Variants in ARMH4 observed in about 807,000 individuals in gnomAD.
ARMH4 encodes armadillo-like helical domain-containing protein 4.
Under a neutral mutation model 61.9 loss-of-function variants are expected in ARMH4, and 49 were observed. The ratio of observed to expected loss-of-function variants is 0.79; its 90% CI spans 0.63 to 1.00. The LOEUF (loss-of-function observed/expected upper bound fraction) is 1.00. Among genes scored for constraint, ARMH4 ranks in the 50% least tolerant of loss-of-function variants. The pLI, the probability that ARMH4 is intolerant of heterozygous loss-of-function variation, is 0.00. For synonymous variants in ARMH4, 368 were observed against 341.5 expected, an observed-to-expected ratio of 1.08 and a Z score of -0.85; for missense variants, 934 against 930.0, an observed-to-expected ratio of 1.00 and a Z score of -0.06.
At chr14:58,081,533 C>A (rs1347100476) in intron 5 of ARMH4, among the ~76,000 whole-genome samples, 6 of 150,684 alleles carry the variant, frequency 4.0e-5, no homozygotes. Flanking sequence ...CGGAATCTCG[C>A]TCTGTCACCT....
At chr14:58,145,178 G>C (rs1263685220) in intron 1 of ARMH4, among the ~76,000 whole-genome samples, 2 of 145,962 alleles carry the variant, frequency 1.4e-5, no homozygotes, top group East Asian at 2.0e-4. Context: ...TGGTAATAGA[G>C]TTTAGAGGGA....
In ARMH4 at chr14:58,028,167, C is replaced by T. The variant is rs1883087408; in HGVS notation, c.2090-16017G>A. Among the ~76,000 whole-genome samples the T allele has an allele frequency of 2.0e-5, 3 of 152,166 alleles. No individual in the cohort carries two copies. The South Asian group carries it at 6.2e-4, about 32-fold the overall frequency. ...CCAGGTTCTTAAGATGCTACCCCTC[C>T]TGTTTGTTACATTTATTTACTTTCC... On this transcript the variant is annotated intron_variant, in intron 5 of 7. Transcript: ENST00000267485.
chr14:58,118,822 A>C (rs1186042843), intron 4 of ARMH4, among the ~76,000 whole-genome samples: 2 of 152,134 alleles, frequency 1.3e-5, no homozygotes, highest in Non-Finnish European at 2.9e-5. Flanking sequence ...TACTAATTTC[A>C]GCTGAAACAA....
chr14:58,087,630 T>C (rs1203115889), intron 5 of ARMH4, among the ~76,000 whole-genome samples: 1 of 152,224 alleles, frequency 6.6e-6, no homozygotes, highest in African/African-American at 2.4e-5. Context: ...GGGTTCTGTC[T>C]ATGACTCTTG....
chr14:58,035,060 G>T (rs1434866174), intron 5 of ARMH4, among the ~76,000 whole-genome samples: 67 of 143,696 alleles, frequency 4.7e-4, no homozygotes, highest in African/African-American at 1.7e-3. Flanking sequence ...GGACCTAATA[G>T]ACATCTACAG....
intron 5 of ARMH4, among the ~76,000 whole-genome samples, chr14:58,051,474 C>A: frequency 6.6e-6 from 1 of 152,180 alleles, no homozygotes; most frequent in Non-Finnish European, 1.5e-5. Flanking sequence ...ACTGAATGTT[C>A]AACTGATGGA....
intron 5 of ARMH4, among the ~76,000 whole-genome samples, chr14:58,040,021 A>G (rs183042554): frequency 8.0e-4 from 122 of 152,328 alleles, no homozygotes; most frequent in African/African-American, 2.3e-3. Flanking sequence ...AAAACAGGGA[A>G]CAAAAACAAC....
At chr14:58,125,537 T>C (rs1594772078) in intron 4 of ARMH4, among the ~76,000 whole-genome samples, 1 of 152,220 alleles carries the variant, frequency 6.6e-6, no homozygotes, top group South Asian at 2.1e-4. Context: ...CCCTGTATCT[T>C]TAATCTCCTT....
chr14:58,129,589 T>C (rs1407067088), intron 4 of ARMH4, among the ~76,000 whole-genome samples: 3 of 152,374 alleles, frequency 2.0e-5, no homozygotes, highest in Admixed American at 1.3e-4. Context: ...GCTGCACTTA[T>C]ATTCCCGGGC....
intron 5 of ARMH4, among the ~76,000 whole-genome samples, chr14:58,084,959 T>C (rs1885334747): frequency 6.6e-6 from 1 of 152,274 alleles, no homozygotes. Flanking sequence ...ACCTGATCAC[T>C]AAGCTTCGCT....
intron 2 of ARMH4, among the ~76,000 whole-genome samples, chr14:58,134,218 AC>A (rs1887226457): frequency 6.6e-6 from 1 of 152,210 alleles, no homozygotes; most frequent in Non-Finnish European, 1.5e-5. Context: ...AGCACCCTTA[AC>A]CACTGTACTA....
At chr14:58,070,904 C>A (rs1884862914) in intron 5 of ARMH4, among the ~76,000 whole-genome samples, 1 of 152,090 alleles carries the variant, frequency 6.6e-6, no homozygotes, top group East Asian at 1.9e-4. Flanking sequence ...CTTCTACTCT[C>A]TATGTGCATG....
intron 4 of ARMH4, among the ~76,000 whole-genome samples, chr14:58,122,144 C>T (rs2141306760): frequency 6.6e-6 from 1 of 152,322 alleles, no homozygotes; most frequent in Admixed American, 6.5e-5. Flanking sequence ...TAATCTCACA[C>T]TACAGAATCA....
intron 1 of ARMH4, chr14:58,141,472 T>C: frequency 1.9e-6 from 1 of 539,042 alleles, no homozygotes; most frequent in Non-Finnish European, 3.7e-6. Flanking sequence ...CCAGAAAGAG[T>C]CCACCCTAAA....
chr14:58,139,011 C>G lies in ARMH4; in HGVS notation c.348G>C (p.Glu116Asp). 1.2e-6 allele frequency: 2 copies of G among 1,614,246 alleles called. No individual in the cohort carries two copies. Among genetic ancestry groups the G allele is most frequent in the Middle Eastern group, 1.7e-4 (1 of 6,058 alleles). The change falls in exon 2 of 8, where the codon GAG becomes GAC. Residue 116 changes from glutamate (E) to aspartate (D), a missense_variant. Physicochemically the swap from Glu to Asp is conservative, Grantham distance 45. Coordinates refer to ENST00000267485, the MANE Select transcript of ARMH4 (RefSeq NM_001001872.4). ...CTTCTTCAGCTGAGGGGACACCTGA[C>G]TCAGTAGGTGTGGAAACACCAGGGC... Reference protein sequence around the residue: ...TERPGVSTPTESGVPSAEEVF... With the variant: ...TERPGVSTPTDSGVPSAEEVF...
chr14:58,099,233 C>T (rs556329704), intron 4 of ARMH4, among the ~76,000 whole-genome samples: 1 of 152,166 alleles, frequency 6.6e-6, no homozygotes, highest in Non-Finnish European at 1.5e-5. Context: ...TAATAATATT[C>T]AAAGCCTTGA....
intron 5 of ARMH4, among the ~76,000 whole-genome samples, chr14:58,025,585 CTT>C (rs1347715079): frequency 6.6e-6 from 1 of 152,134 alleles, no homozygotes; most frequent in Non-Finnish European, 1.5e-5. Flanking sequence ...GAGACCAGCT[CTT>C]TTTCTTTCTT....
intron 6 of ARMH4, among the ~76,000 whole-genome samples, chr14:58,006,702 C>T (rs57230475): frequency 0.24 from 36,315 of 149,908 alleles, 4,811 homozygotes; most frequent in East Asian, 0.56. Flanking sequence ...TAGGTGGGAA[C>T]TGAACAATGA....
intron 5 of ARMH4, among the ~76,000 whole-genome samples, chr14:58,081,878 T>C (rs1039981213): frequency 3.9e-5 from 6 of 152,010 alleles, no homozygotes; most frequent in Non-Finnish European, 8.8e-5. Context: ...TTTTTTTCTT[T>C]CTTAATAGCA....
Sources: allele counts gnomAD v4.1 joint callset (sites outside exome capture counted in the v4.1 genomes callset), GRCh38; gene constraint gnomAD v4.1.1; transcripts MANE v1.5; gene names NCBI Gene and HGNC (gene_info 2026-07-23, HGNC 2026-07-21).